The following CTNNA2 variants were observed in gnomAD, a reference collection of about 807,000 sequenced individuals.
CTNNA2 encodes catenin alpha-2.
In CTNNA2, 42 loss-of-function variants were observed where a neutral mutation model predicts 101.0. The observed-to-expected ratio is 0.42, with a 90% CI of 0.32 to 0.54. The LOEUF is 0.54. Ranked by LOEUF, CTNNA2 falls within the 20% of genes least tolerant of loss-of-function variation. The probability of loss-of-function intolerance (pLI) is 0.14; values close to 1 mark genes in which losing one functional copy is unlikely to be tolerated. For synonymous variants in CTNNA2, 450 were observed against 456.4 expected, an observed-to-expected ratio of 0.99 and a Z score of 0.18; for missense variants, 871 against 1,223.1, an observed-to-expected ratio of 0.71 and a Z score of 4.29.
rs115623878 is a variant in CTNNA2, at chr2:79,501,313, C to T, written c.-134-3741C>T. ...TTATTTGTTAGATATGGAGTCTTGCCCTATCACTCAGTCTAGCTGGTCTTA... is the reference window on the plus strand; with the variant it reads ...TTATTTGTTAGATATGGAGTCTTGCTCTATCACTCAGTCTAGCTGGTCTTA... On this transcript the variant is annotated intron_variant, in intron 4 of 21. Transcript: ENST00000466387. Among the ~76,000 whole-genome samples the T allele has an allele frequency of 4.1e-3, 619 of 152,100 alleles. 6 individuals are homozygous for T. Among genetic ancestry groups the T allele is most frequent in the African/African-American group, 0.014 (584 of 41,452 alleles).
rs1374522173 is a variant in CTNNA2, at chr2:80,302,105, T to C, written c.1057-91106T>C. 5.5e-6 allele frequency: 6 copies of C among 1,095,230 alleles called. No individual in the cohort carries two copies. The highest frequency in any genetic ancestry group is 7.6e-6 in the Non-Finnish European group (6 of 793,746). 67.8% of individuals were successfully genotyped at this position (1,095,230 alleles called of 1,614,324 possible). A position where few individuals can be genotyped will look rare whatever the true frequency, so the allele number is the denominator to read the frequency against. ...TTTAAGACACAATAAAGCTAAAATG[T>C]CAAGTCTCTGGGAGAGATCCCCTTA... On this transcript the variant is annotated intron_variant, in intron 7 of 18. Coordinates refer to ENST00000402739, the MANE Select transcript of CTNNA2 (RefSeq NM_001282597.3). This position sits in a 1 kb window ranked among gnomAD's most constrained non-coding sequence, Gnocchi z 6.4.
chr2:79,554,884 G>A (rs1007290980), intron 1 of CTNNA2, among the ~76,000 whole-genome samples: 2 of 152,144 alleles, frequency 1.3e-5, no homozygotes, highest in Non-Finnish European at 2.9e-5. Flanking sequence ...GCATGAAATA[G>A]AAAATCCAAA....
At chr2:80,146,191 G>C (rs1009188235) in intron 7 of CTNNA2, among the ~76,000 whole-genome samples, 1 of 152,194 alleles carries the variant, frequency 6.6e-6, no homozygotes, top group Non-Finnish European at 1.5e-5. Context: ...ATGGAGGTGA[G>C]ACTATTTTGA....
At chr2:79,503,510 A>G (rs1372343024) in intron 4 of CTNNA2, among the ~76,000 whole-genome samples, 3 of 152,150 alleles carry the variant, frequency 2.0e-5, no homozygotes, top group Non-Finnish European at 2.9e-5. Context: ...ATCTTACTAC[A>G]TACTTATTGG....
chr2:79,850,004 T>A (rs1680544420), intron 3 of CTNNA2, among the ~76,000 whole-genome samples: 1 of 152,158 alleles, frequency 6.6e-6, no homozygotes, highest in African/African-American at 2.4e-5. Flanking sequence ...CTTCACTGAT[T>A]AAGCTTACAG....
At chr2:80,149,992 T>G (rs1703592179) in intron 7 of CTNNA2, among the ~76,000 whole-genome samples, 1 of 152,176 alleles carries the variant, frequency 6.6e-6, no homozygotes. Flanking sequence ...CACCTCCACC[T>G]GCATCTGTTG....
chr2:79,247,998 T>A (rs1336467563), intron 2 of CTNNA2, among the ~76,000 whole-genome samples: 1 of 152,192 alleles, frequency 6.6e-6, no homozygotes. Context: ...AAAATATATT[T>A]GTGTTGTTTT....
intron 1 of CTNNA2, among the ~76,000 whole-genome samples, chr2:79,190,980 C>G (rs1673862203): frequency 6.6e-6 from 1 of 152,186 alleles, no homozygotes; most frequent in Non-Finnish European, 1.5e-5. Flanking sequence ...TTCTCGCTCT[C>G]CGCAGACTGG....
chr2:79,722,822 A>G (rs2104872641), intron 2 of CTNNA2, among the ~76,000 whole-genome samples: 1 of 152,296 alleles, frequency 6.6e-6, no homozygotes, highest in East Asian at 1.9e-4. Flanking sequence ...ATGACTGCAA[A>G]ATCAGTTTCT....
chr2:80,580,336 C>T (rs558589821), intron 13 of CTNNA2, among the ~76,000 whole-genome samples: 3 of 152,132 alleles, frequency 2.0e-5, no homozygotes, highest in African/African-American at 4.8e-5. Flanking sequence ...TTCCTTATCA[C>T]TGACTTTATA....
chr2:79,608,852 G>A (rs962214929), intron 1 of CTNNA2, among the ~76,000 whole-genome samples: 2 of 151,978 alleles, frequency 1.3e-5, no homozygotes, highest in African/African-American at 2.4e-5. Flanking sequence ...GGGACAAAAT[G>A]TAGATGTCCA....
At chr2:79,923,106 G>A (rs186963731) in intron 7 of CTNNA2, among the ~76,000 whole-genome samples, 100 of 152,224 alleles carry the variant, frequency 6.6e-4, no homozygotes, top group African/African-American at 2.3e-3. Context: ...AGCCTTGTGG[G>A]ATATTTCTTA....
chr2:79,451,225 TC>T (rs1010640751), intron 4 of CTNNA2, among the ~76,000 whole-genome samples: 1 of 152,156 alleles, frequency 6.6e-6, no homozygotes, highest in Non-Finnish European at 1.5e-5. Context: ...GATAATTTTT[TC>T]AAGTGATTGC....
chr2:79,467,283 G>A (rs1320463299), intron 4 of CTNNA2, among the ~76,000 whole-genome samples: 1 of 152,168 alleles, frequency 6.6e-6, no homozygotes, highest in African/African-American at 2.4e-5. Flanking sequence ...ATCAGTGACT[G>A]AAGATCAAAT....
chr2:79,528,454 A>T (rs1225741466), intron 1 of CTNNA2, among the ~76,000 whole-genome samples: 1 of 152,018 alleles, frequency 6.6e-6, no homozygotes, highest in African/African-American at 2.4e-5. Flanking sequence ...TTTTGAGATG[A>T]TGCAAATTCT....
chr2:79,378,489 G>A (rs1243437887), intron 4 of CTNNA2, among the ~76,000 whole-genome samples: 1 of 152,112 alleles, frequency 6.6e-6, no homozygotes, highest in East Asian at 1.9e-4. Context: ...ACTATTACAT[G>A]CATCCAAAGA....
chr2:79,834,435 G>C (rs978047064), intron 3 of CTNNA2, among the ~76,000 whole-genome samples: 1 of 152,046 alleles, frequency 6.6e-6, no homozygotes, highest in South Asian at 2.1e-4. Flanking sequence ...AATTTTATTA[G>C]AGTTAGAAAG....
intron 12 of CTNNA2, among the ~76,000 whole-genome samples, chr2:80,557,167 A>G (rs1693119342): frequency 6.6e-6 from 1 of 152,174 alleles, no homozygotes; most frequent in Admixed American, 6.5e-5. Flanking sequence ...TGCCCTTGGA[A>G]CATCCTTACA....
intron 2 of CTNNA2, among the ~76,000 whole-genome samples, chr2:79,235,451 G>T (rs1674543725): frequency 6.6e-6 from 1 of 152,008 alleles, no homozygotes; most frequent in Admixed American, 6.6e-5. Flanking sequence ...CCCCTCACCT[G>T]GTCTGCTCCT....
Sources: allele counts gnomAD v4.1 joint callset (sites outside exome capture counted in the v4.1 genomes callset), GRCh38; gene constraint gnomAD v4.1.1; non-coding constraint Gnocchi (gnomAD v3.1); transcripts MANE v1.5; gene names NCBI Gene and HGNC (gene_info 2026-07-23, HGNC 2026-07-21).